The following AFF3 variants were observed in gnomAD, a reference collection of about 807,000 sequenced individuals.
AFF3 encodes ALF transcription elongation factor 3.
A neutral mutation model predicts 129.7 loss-of-function variants in AFF3; 32 were observed. The ratio of observed to expected loss-of-function variants is 0.25; its 90% CI spans 0.19 to 0.33. The LOEUF (loss-of-function observed/expected upper bound fraction) is 0.33, where lower values mean the gene tolerates loss of function less well. AFF3 is among the 10% of genes least tolerant of loss of function. The probability of loss-of-function intolerance (pLI) is 1.00; values close to 1 mark genes in which losing one functional copy is unlikely to be tolerated. For missense variants in AFF3, 1,373 were observed against 1,592.0 expected, an observed-to-expected ratio of 0.86 and a Z score of 2.34; for synonymous variants, 644 against 635.4, an observed-to-expected ratio of 1.01 and a Z score of -0.20.
chr2:100,138,434 T>C (rs577171904), intron 1 of AFF3, among the ~76,000 whole-genome samples: 123 of 152,342 alleles, frequency 8.1e-4, no homozygotes, highest in African/African-American at 2.9e-3. Flanking sequence ...CTTTGCTTGC[T>C]GCTCTATTTT....
At chr2:100,040,973 C>T (rs1027345480) in intron 4 of AFF3, among the ~76,000 whole-genome samples, 1 of 152,240 alleles carries the variant, frequency 6.6e-6, no homozygotes, top group Admixed American at 6.5e-5. Flanking sequence ...AAAGTTAAGC[C>T]ATGATCCAGG....
rs1419235147 is a variant in AFF3, at chr2:100,007,179, C to T, written c.456G>A (p.Gly152=). The T allele has an allele frequency of 1.9e-6, 3 of 1,614,018 alleles. No individual in the cohort carries two copies. The highest frequency in any genetic ancestry group is 2.2e-5 in the South Asian group (2 of 91,072). The change falls in exon 6 of 25, where the codon GGG becomes GGA. Residue 152 remains glycine, a synonymous_variant. Transcript: ENST00000672756. ...KRGTMGWQKA[G]HPPSDGQQRA... Reference sequence around the variant, plus strand: ...TCTGTTGGCCGTCAGAGGGTGGGTGCCCAGCCTTCTGCCAGCCCATAGTGC... The same window carrying T: ...TCTGTTGGCCGTCAGAGGGTGGGTGTCCAGCCTTCTGCCAGCCCATAGTGC...
intron 4 of AFF3, among the ~76,000 whole-genome samples, chr2:100,031,104 T>A (rs1684452171): frequency 6.6e-6 from 1 of 152,148 alleles, no homozygotes; most frequent in East Asian, 1.9e-4. Flanking sequence ...ACCCAAATAA[T>A]AACTTTAGAA....
intron 7 of AFF3, among the ~76,000 whole-genome samples, chr2:99,962,089 A>T (rs1677280765): frequency 6.6e-6 from 1 of 152,112 alleles, no homozygotes; most frequent in Admixed American, 6.6e-5. Flanking sequence ...CATGAAAAGT[A>T]CCCAGCCCAG....
chr2:99,742,521 G>A (rs1680802105), intron 10 of AFF3, among the ~76,000 whole-genome samples: 1 of 152,098 alleles, frequency 6.6e-6, no homozygotes, highest in Non-Finnish European at 1.5e-5. Flanking sequence ...GAATATTATA[G>A]CATGCCATAA....
chr2:99,995,517 C>T (rs143711721), intron 7 of AFF3, among the ~76,000 whole-genome samples: 2,217 of 152,064 alleles, frequency 0.015, 63 homozygotes, highest in African/African-American at 0.051. Flanking sequence ...GGACTACAGG[C>T]GACTGCCACC....
intron 9 of AFF3, among the ~76,000 whole-genome samples, chr2:99,746,111 A>G (rs1681133198): frequency 6.6e-6 from 1 of 152,126 alleles, no homozygotes; most frequent in African/African-American, 2.4e-5. Flanking sequence ...CTTGTACCCC[A>G]AAAGCTATTA....
At chr2:100,076,209 T>G (rs1216537689) in intron 4 of AFF3, among the ~76,000 whole-genome samples, 4 of 152,182 alleles carry the variant, frequency 2.6e-5, no homozygotes, top group Non-Finnish European at 5.9e-5. Context: ...AACTCTGCCT[T>G]ATCCTCAATT....
Position 100,109,509 on chromosome 2 carries a change from A to G in AFF3, c.-144-3926T>C, listed in dbSNP as rs577113561. 4.0e-5 allele frequency among the ~76,000 whole-genome samples: 6 copies of G among 151,444 alleles called. No homozygotes were observed. The South Asian group carries it at 1.3e-3, about 32-fold the overall frequency. On this transcript the variant is annotated intron_variant, in intron 2 of 24. Transcript: ENST00000672756. ...TGGGGGATAATCTCATTATTTTGTG[A>G]TATGAGAAGATCCTTTGATGCTGGT...
intron 4 of AFF3, among the ~76,000 whole-genome samples, chr2:100,043,949 CA>C (rs1388314604): frequency 6.6e-6 from 1 of 152,158 alleles, no homozygotes; most frequent in Non-Finnish European, 1.5e-5. Flanking sequence ...ATTATTTTTT[CA>C]GTCTCTTTAA....
chr2:99,636,371 G>A (rs1033944392), intron 13 of AFF3, among the ~76,000 whole-genome samples: 1 of 152,184 alleles, frequency 6.6e-6, no homozygotes, highest in Non-Finnish European at 1.5e-5. Flanking sequence ...GGGCCAGTGA[G>A]CAGGCTTACT....
At chr2:99,708,484 C>T (rs1338215137) in intron 11 of AFF3, among the ~76,000 whole-genome samples, 1 of 152,126 alleles carries the variant, frequency 6.6e-6, no homozygotes, top group African/African-American at 2.4e-5. Context: ...AATTGGTCCC[C>T]CAGGCAACAT....
chr2:99,823,693 A>T (rs1037495488), intron 8 of AFF3, among the ~76,000 whole-genome samples: 2 of 152,206 alleles, frequency 1.3e-5, no homozygotes, highest in Non-Finnish European at 2.9e-5. Context: ...AAAGACATGG[A>T]ATCAGTCTCC....
intron 7 of AFF3, among the ~76,000 whole-genome samples, chr2:99,935,587 C>T (rs1324042534): frequency 6.6e-6 from 1 of 152,140 alleles, no homozygotes; most frequent in African/African-American, 2.4e-5. Context: ...AGATGGTGGG[C>T]CATCCCAATG....
intron 1 of AFF3, among the ~76,000 whole-genome samples, chr2:100,131,177 T>G (rs1389375115): frequency 1.3e-5 from 2 of 152,194 alleles, no homozygotes; most frequent in African/African-American, 4.8e-5. Flanking sequence ...ACTGAGAAAG[T>G]GCTGGTTTAG....
intron 4 of AFF3, among the ~76,000 whole-genome samples, chr2:100,088,613 T>C (rs1394631702): frequency 2.7e-5 from 4 of 149,564 alleles, no homozygotes; most frequent in Admixed American, 2.0e-4. Flanking sequence ...GCCAAGAAGG[T>C]TGAGTGATGA....
chr2:100,006,722 G>C lies in AFF3; in HGVS notation c.783C>G (p.Cys261Trp), dbSNP rs1401798769. 6.2e-7 allele frequency: 1 copy of C among 1,614,214 alleles called. No individual in the cohort carries two copies. Among genetic ancestry groups the C allele is most frequent in the Non-Finnish European group, 8.5e-7 (1 of 1,180,040 alleles). Residue 261 changes from cysteine to tryptophan, a missense_variant, in exon 7 of 25, where the codon TGC (cysteine) becomes TGG (tryptophan). Cys to Trp is a radical substitution (Grantham distance 215). This residue lies in a region of AFF3 where 413 missense variants were observed against 424.4 expected (regional missense o/e 0.97). Coordinates refer to ENST00000672756, the MANE Select transcript of AFF3 (RefSeq NM_001386135.1). ...TGGCAGGGACTCCCCTGTATGATGT[G>C]CAGTGCACGCTGGTTTCCGAAGACG... ...LKSSSETSVH[C>W]TSYRGVPASK... is the part of the protein sequence containing the mutation.
At chr2:99,954,633 GA>G (rs1219196339) in intron 7 of AFF3, among the ~76,000 whole-genome samples, 10 of 151,776 alleles carry the variant, frequency 6.6e-5, no homozygotes, top group Admixed American at 2.0e-4. Context: ...GATGAAATTG[GA>G]AATCATCATT....
intron 11 of AFF3, among the ~76,000 whole-genome samples, chr2:99,695,685 CAGA>C (rs1676142793): frequency 6.6e-6 from 1 of 152,180 alleles, no homozygotes; most frequent in South Asian, 2.1e-4. Flanking sequence ...CCTTAATAAG[CAGA>C]AGATTTCTCA....
Sources: allele counts gnomAD v4.1 joint callset (sites outside exome capture counted in the v4.1 genomes callset), GRCh38; gene constraint gnomAD v4.1.1; regional missense constraint gnomAD v4.1.1; transcripts MANE v1.5; gene names NCBI Gene and HGNC (gene_info 2026-07-23, HGNC 2026-07-21).